MLLT3: variants seen among roughly 807,000 people sequenced by gnomAD.
The protein encoded by MLLT3 is protein AF-9.
A neutral mutation model predicts 53.2 loss-of-function variants in MLLT3; 4 were observed. That is an observed-to-expected ratio of 0.08 (90% CI 0.04 to 0.17). The LOEUF is 0.17. Ranked by LOEUF, MLLT3 falls within the 10% of genes least tolerant of loss-of-function variation. MLLT3 has a pLI of 1.00. For missense variants in MLLT3, 569 were observed against 684.0 expected, an observed-to-expected ratio of 0.83 and a Z score of 1.87; for synonymous variants, 283 against 230.6, an observed-to-expected ratio of 1.23 and a Z score of -2.06.
At chr9:20,368,126 G>A (rs1821504091) in intron 5 of MLLT3, among the ~76,000 whole-genome samples, 3 of 152,210 alleles carry the variant, frequency 2.0e-5, no homozygotes, top group Admixed American at 6.5e-5. Context: ...ATTGCTGTTT[G>A]TGGGTCACAA....
chr9:20,354,966 G>GAAAT, intron 8 of MLLT3, 87 bp from the exon 9 acceptor site: 1 of 826,680 alleles, frequency 1.2e-6, no homozygotes, highest in South Asian at 1.4e-5. Context: ...TCCACTGAAT[G>GAAAT]AAATGTACAG....
Position 20,581,972 on chromosome 9 carries a change from C to T in MLLT3, c.193+38682G>A, listed in dbSNP as rs181275055. 2.7e-4 allele frequency among the ~76,000 whole-genome samples: 41 copies of T among 152,140 alleles called. 1 individual carries two copies. The Middle Eastern group carries it at 0.01, about 38-fold the overall frequency. Reference sequence around the variant, plus strand: ...TTCTATATCTGATGCTCAATCCAGCCGCAATGAAAAATATTTTTAATTTTT... The same window carrying T: ...TTCTATATCTGATGCTCAATCCAGCTGCAATGAAAAATATTTTTAATTTTT... On this transcript the variant is annotated intron_variant, in intron 2 of 10. Coordinates refer to ENST00000380338, the MANE Select transcript of MLLT3 (RefSeq NM_004529.4).
Position 20,432,679 on chromosome 9 carries a change from T to C in MLLT3, c.420+15444A>G, listed in dbSNP as rs571884054. ...GCTTTTTTTTTCAGTCTATGCACTT[T>C]AATAAGAACAACAGTTTAAAAGTGC... On this transcript the variant is annotated intron_variant, in intron 4 of 10. Coordinates refer to ENST00000380338, the MANE Select transcript of MLLT3 (RefSeq NM_004529.4). Among the ~76,000 whole-genome samples, 4 of 152,146 alleles carry C rather than the reference T, an allele frequency of 2.6e-5. No individual in the cohort carries two copies. The South Asian group carries it at 8.3e-4, about 32-fold the overall frequency.
chr9:20,503,007 G>C (rs938379814), intron 2 of MLLT3, among the ~76,000 whole-genome samples: 1 of 152,000 alleles, frequency 6.6e-6, no homozygotes, highest in Non-Finnish European at 1.5e-5. Flanking sequence ...GAAGTTGAAA[G>C]ACCTGTACAC....
chr9:20,562,627 T>G (rs1339195000), intron 2 of MLLT3, among the ~76,000 whole-genome samples: 1 of 152,184 alleles, frequency 6.6e-6, no homozygotes, highest in East Asian at 1.9e-4. Flanking sequence ...ATATGTTTAA[T>G]GGCAGAAGAA....
At chr9:20,611,570 T>C (rs1820703996) in intron 2 of MLLT3, among the ~76,000 whole-genome samples, 1 of 152,102 alleles carries the variant, frequency 6.6e-6, no homozygotes, top group Non-Finnish European at 1.5e-5. Flanking sequence ...AACCTTCTAA[T>C]ATGTGTAACT....
chr9:20,553,439 G>GAA (rs905305363), intron 2 of MLLT3, among the ~76,000 whole-genome samples: 2 of 151,854 alleles, frequency 1.3e-5, no homozygotes, highest in African/African-American at 4.8e-5. Context: ...GGACATGAGA[G>GAA]AAAAAAAATC....
chr9:20,349,681 A>T (rs1310049737), intron 10 of MLLT3, among the ~76,000 whole-genome samples: 1 of 152,230 alleles, frequency 6.6e-6, no homozygotes, highest in Non-Finnish European at 1.5e-5. Context: ...TAAAGCATAT[A>T]AACACTTTTG....
intron 5 of MLLT3, among the ~76,000 whole-genome samples, chr9:20,389,295 A>G (rs75506194): frequency 1.8e-3 from 278 of 152,332 alleles, no homozygotes; most frequent in African/African-American, 6.2e-3. Context: ...TTCCATTCAT[A>G]TCAATTGTCT....
At chr9:20,481,238 C>G (rs144815430) in intron 2 of MLLT3, among the ~76,000 whole-genome samples, 6 of 152,270 alleles carry the variant, frequency 3.9e-5, no homozygotes, top group Middle Eastern at 3.4e-3. Context: ...ATGATGGACT[C>G]ACATATTACA....
At chr9:20,371,947 A>C (rs557844985) in intron 5 of MLLT3, among the ~76,000 whole-genome samples, 3 of 152,360 alleles carry the variant, frequency 2.0e-5, no homozygotes, top group African/African-American at 7.2e-5. Flanking sequence ...GAGAAGATCA[A>C]AATATGAACA....
intron 2 of MLLT3, among the ~76,000 whole-genome samples, chr9:20,470,398 TGTC>T (rs1253729997): frequency 6.6e-6 from 1 of 152,052 alleles, no homozygotes; most frequent in Non-Finnish European, 1.5e-5. Flanking sequence ...CCCTGTGTGT[TGTC>T]ATTTCGTATG....
At chr9:20,404,145 G>T (rs1439435999) in intron 5 of MLLT3, among the ~76,000 whole-genome samples, 2 of 152,138 alleles carry the variant, frequency 1.3e-5, no homozygotes, top group African/African-American at 4.8e-5. Context: ...TTAAACTAAG[G>T]TGGACTTTGA....
In MLLT3 at chr9:20,599,247, T is replaced by A. The variant is rs1485566160; in HGVS notation, c.193+21407A>T. Among the ~76,000 whole-genome samples, 3 of 148,784 alleles carry A rather than the reference T, an allele frequency of 2.0e-5. No homozygotes were observed. The East Asian group carries it at 5.9e-4, about 29-fold the overall frequency. ...TGAACCAGGGAGATGGAGGTTGCAG[T>A]GAGCCAAGATCGTGCCACTGCACGT... On this transcript the variant is annotated intron_variant, in intron 2 of 10. Coordinates refer to ENST00000380338, the MANE Select transcript of MLLT3 (RefSeq NM_004529.4).
In MLLT3 at chr9:20,496,632, G is replaced by A. The variant is rs375465836; in HGVS notation, c.194-39846C>T. 1.5e-4 allele frequency among the ~76,000 whole-genome samples: 23 copies of A among 152,264 alleles called. No homozygotes were observed. The South Asian group carries it at 4.1e-3, about 27-fold the overall frequency. On this transcript the variant is annotated intron_variant, in intron 2 of 10. Transcript: ENST00000380338. Reference sequence around the variant, plus strand: ...GTTGTGGTTTGTGCTGTGTTAGCCTGGTTAAGCTGAAACTACTTTTCCTAG... The same window carrying A: ...GTTGTGGTTTGTGCTGTGTTAGCCTAGTTAAGCTGAAACTACTTTTCCTAG...
chr9:20,486,892 T>C (rs1356687934), intron 2 of MLLT3, among the ~76,000 whole-genome samples: 1 of 152,100 alleles, frequency 6.6e-6, no homozygotes, highest in Non-Finnish European at 1.5e-5. Flanking sequence ...TACTTGTTGA[T>C]TAACAGAAAA....
At chr9:20,594,973 G>A (rs954974966) in intron 2 of MLLT3, among the ~76,000 whole-genome samples, 1 of 152,042 alleles carries the variant, frequency 6.6e-6, no homozygotes, top group East Asian at 1.9e-4. Flanking sequence ...CCAAACAGCA[G>A]CTCATACTGC....
chr9:20,424,919 C>T (rs148864084), intron 4 of MLLT3, among the ~76,000 whole-genome samples: 337 of 152,238 alleles, frequency 2.2e-3, no homozygotes, highest in African/African-American at 7.5e-3. Flanking sequence ...TTATAAATAA[C>T]ATGTATATGC....
chr9:20,428,999 C>A (rs1350303051), intron 4 of MLLT3, among the ~76,000 whole-genome samples: 1 of 152,094 alleles, frequency 6.6e-6, no homozygotes, highest in Non-Finnish European at 1.5e-5. Flanking sequence ...AAGAAAACAT[C>A]AAGCCCACAG....
Sources: allele counts gnomAD v4.1 joint callset (sites outside exome capture counted in the v4.1 genomes callset), GRCh38; gene constraint gnomAD v4.1.1; transcripts MANE v1.5; gene names NCBI Gene and HGNC (gene_info 2026-07-23, HGNC 2026-07-21).